Variants in PPA2 observed in about 807,000 individuals in gnomAD.
The protein encoded by PPA2 is inorganic pyrophosphatase 2.
PPA2 carries 48 observed loss-of-function variants against 49.5 expected under a neutral mutation model. That is an observed-to-expected ratio of 0.97 (90% CI 0.77 to 1.23). The LOEUF (loss-of-function observed/expected upper bound fraction) is 1.23. Ranked by LOEUF, PPA2 falls within the 50% of genes most tolerant of loss-of-function variation. The probability of loss-of-function intolerance (pLI) is 0.00; values close to 1 mark genes in which losing one functional copy is unlikely to be tolerated. For missense variants in PPA2, 429 were observed against 410.1 expected, an observed-to-expected ratio of 1.05 and a Z score of -0.40; for synonymous variants, 131 against 139.9, an observed-to-expected ratio of 0.94 and a Z score of 0.45.
intron 3 of PPA2, 129 bp from the exon 4 acceptor site, chr4:105,449,532 T>A: frequency 1.8e-6 from 1 of 545,738 alleles, no homozygotes; most frequent in Non-Finnish European, 3.2e-6. Flanking sequence ...CCATCATACA[T>A]CTACCTATGC....
At chr4:105,418,932 A>T (rs1723128391) in intron 7 of PPA2, among the ~76,000 whole-genome samples, 1 of 152,186 alleles carries the variant, frequency 6.6e-6, no homozygotes, top group African/African-American at 2.4e-5. Flanking sequence ...AAAATTACAC[A>T]TGCCCTAGCA....
At chr4:105,409,608 A>C (rs1222353511) in intron 7 of PPA2, among the ~76,000 whole-genome samples, 1 of 152,206 alleles carries the variant, frequency 6.6e-6, no homozygotes, top group Admixed American at 6.5e-5. Flanking sequence ...CCTGACCCCC[A>C]TGTAGCCGGA....
intron 7 of PPA2, among the ~76,000 whole-genome samples, chr4:105,403,414 T>C (rs917152529): frequency 6.6e-6 from 1 of 152,192 alleles, no homozygotes; most frequent in Non-Finnish European, 1.5e-5. Flanking sequence ...TGTGCAGCCA[T>C]GATTTACTTT....
At chr4:105,413,623 C>T in intron 7 of PPA2, among the ~76,000 whole-genome samples, 1 of 151,990 alleles carries the variant, frequency 6.6e-6, no homozygotes, top group East Asian at 1.9e-4. Flanking sequence ...ATATAGAATC[C>T]AGAAACAGAC....
chr4:105,446,490 C>G lies in PPA2; in HGVS notation c.334G>C (p.Glu112Gln). ...TNAKMEIATK[E>Q]PMNPIKQYVK... ...TATTGTTTAATGGGATTCATTGGCT[C>G]CTTGGTGGCAATCTAAGCAAATCAC... The change falls in exon 5 of 12, where the codon GAG becomes CAG. Residue 112 changes from glutamate to glutamine, a missense_variant. Glu to Gln is a conservative substitution (Grantham distance 29). Coordinates refer to ENST00000341695, the MANE Select transcript of PPA2 (RefSeq NM_176869.3). The G allele has an allele frequency of 6.2e-7, 1 of 1,601,488 alleles. No homozygotes were observed. Among genetic ancestry groups the G allele is most frequent in the Non-Finnish European group, 8.5e-7 (1 of 1,176,002 alleles).
chr4:105,405,097 G>GAATA, intron 7 of PPA2: 6 of 498,442 alleles, frequency 1.2e-5, no homozygotes, highest in Non-Finnish European at 1.6e-5. Flanking sequence ...ATAAATAAAT[G>GAATA]AATAAATAAA....
At chr4:105,464,354 T>A (rs973382426) in intron 1 of PPA2, among the ~76,000 whole-genome samples, 1 of 152,250 alleles carries the variant, frequency 6.6e-6, no homozygotes, top group South Asian at 2.1e-4. Flanking sequence ...TGTGCCCCCA[T>A]TGTATCTAAG....
chr4:105,425,094 T>C (rs1723433175), intron 6 of PPA2, among the ~76,000 whole-genome samples: 2 of 152,168 alleles, frequency 1.3e-5, no homozygotes, highest in African/African-American at 2.4e-5. Context: ...AGTGCCTGGA[T>C]ACAACTAAAC....
intron 1 of PPA2, among the ~76,000 whole-genome samples, chr4:105,462,865 G>A (rs565615517): frequency 6.6e-6 from 1 of 152,296 alleles, no homozygotes; most frequent in African/African-American, 2.4e-5. Flanking sequence ...TATGAGACGT[G>A]CCTTTCACCT....
At chr4:105,439,932 G>T (rs1257922074) in intron 5 of PPA2, among the ~76,000 whole-genome samples, 2 of 146,168 alleles carry the variant, frequency 1.4e-5, no homozygotes, top group Admixed American at 7.3e-5. Flanking sequence ...AGAACATGTG[G>T]TGTTTGGTTT....
intron 7 of PPA2, among the ~76,000 whole-genome samples, chr4:105,404,393 CTAAA>C (rs1326468850): frequency 1.3e-5 from 2 of 151,914 alleles, no homozygotes; most frequent in Admixed American, 6.5e-5. Context: ...AAAAGTCTTA[CTAAA>C]TAAATAACTT....
intron 6 of PPA2, 129 bp from the exon 7 acceptor site, chr4:105,424,451 T>A: frequency 1.1e-6 from 1 of 875,772 alleles, no homozygotes; most frequent in Non-Finnish European, 1.6e-6. Flanking sequence ...TTAAAAATAA[T>A]ATGAAAATAG....
intron 7 of PPA2, among the ~76,000 whole-genome samples, chr4:105,419,727 A>C (rs1253155750): frequency 6.6e-6 from 1 of 151,986 alleles, no homozygotes; most frequent in Non-Finnish European, 1.5e-5. Flanking sequence ...AGGATCAAAA[A>C]AGTTATTTCA....
intron 10 of PPA2, among the ~76,000 whole-genome samples, chr4:105,372,348 A>G (rs1733061547): frequency 1.3e-5 from 2 of 152,204 alleles, no homozygotes; most frequent in Admixed American, 1.3e-4. Context: ...AAAAAGCAGG[A>G]TCTGAGGAAG....
intron 5 of PPA2, among the ~76,000 whole-genome samples, chr4:105,444,256 A>G (rs1724507598): frequency 6.6e-6 from 1 of 152,170 alleles, no homozygotes; most frequent in African/African-American, 2.4e-5. Flanking sequence ...TAGACGTGAG[A>G]AAGGGGGAAT....
chr4:105,413,337 GA>G (rs1722850150), intron 7 of PPA2, among the ~76,000 whole-genome samples: 1 of 151,824 alleles, frequency 6.6e-6, no homozygotes, highest in Non-Finnish European at 1.5e-5. Flanking sequence ...GGGACTGGGG[GA>G]GGGATAGTAT....
chr4:105,412,536 G>A lies in PPA2; in HGVS notation c.655+11660C>T, dbSNP rs561007907. 1.8e-3 allele frequency among the ~76,000 whole-genome samples: 273 copies of A among 152,194 alleles called. 1 individual carries two copies. Among genetic ancestry groups the A allele is most frequent in the Non-Finnish European group, 2.7e-3 (183 of 67,988 alleles). On this transcript the variant is annotated intron_variant, in intron 7 of 11. Transcript: ENST00000341695. ...CTGCACAGCAAAAGAAACTATTGTC[G>A]GAGTGAAGAGGCAACCTAGAGAATG...
At chr4:105,459,572 C>T (rs762894520) in intron 1 of PPA2, among the ~76,000 whole-genome samples, 3 of 152,148 alleles carry the variant, frequency 2.0e-5, no homozygotes, top group Non-Finnish European at 4.4e-5. Context: ...AAGTATTTAA[C>T]TGAGAAATAA....
intron 1 of PPA2, among the ~76,000 whole-genome samples, chr4:105,468,120 A>G (rs1723381518): frequency 6.6e-6 from 1 of 152,232 alleles, no homozygotes; most frequent in South Asian, 2.1e-4. Flanking sequence ...ACATAACCAC[A>G]GTCATACTTT....
Sources: allele counts gnomAD v4.1 joint callset (sites outside exome capture counted in the v4.1 genomes callset), GRCh38; gene constraint gnomAD v4.1.1; transcripts MANE v1.5; gene names NCBI Gene and HGNC (gene_info 2026-07-23, HGNC 2026-07-21).